Variants in EPHA3 observed in about 807,000 individuals in gnomAD.
EPHA3 encodes ephrin type-A receptor 3.
Under a neutral mutation model 107.1 loss-of-function variants are expected in EPHA3, and 42 were observed. The ratio of observed to expected loss-of-function variants is 0.39; its 90% CI spans 0.31 to 0.51. The LOEUF is 0.51. Among genes scored for constraint, EPHA3 ranks in the 20% least tolerant of loss-of-function variants. The pLI, the probability that EPHA3 is intolerant of heterozygous loss-of-function variation, is 0.78. For missense variants in EPHA3, 1,183 were observed against 1,211.2 expected (o/e 0.98, Z 0.35); for synonymous variants, 461 against 424.8 (o/e 1.09, Z -1.05).
intron 3 of EPHA3, among the ~76,000 whole-genome samples, chr3:89,338,450 TATTGCAAGGGCCCTTTGGGC>T (rs932155372): frequency 1.3e-5 from 2 of 152,262 alleles, no homozygotes; most frequent in African/African-American, 4.8e-5. Context: ...GCCCATTTTC[TATTGCAAGGGCCCTTTGGGC>T]ATGGGCAGAA....
At chr3:89,428,960 G>C (rs918911724) in intron 11 of EPHA3, 146 bp from the exon 12 acceptor site, 3 of 456,418 alleles carry the variant, frequency 6.6e-6, no homozygotes, top group Non-Finnish European at 1.1e-5. Context: ...ATGAAACCTA[G>C]GGCTTTTTAA....
At chr3:89,408,744 G>A (rs149526546) in intron 9 of EPHA3, among the ~76,000 whole-genome samples, 29 of 151,914 alleles carry the variant, frequency 1.9e-4, no homozygotes, top group African/African-American at 6.3e-4. Context: ...CTGGTGAAAC[G>A]AATCATTCCA....
intron 3 of EPHA3, among the ~76,000 whole-genome samples, chr3:89,336,803 G>C (rs1166226214): frequency 1.3e-5 from 2 of 152,096 alleles, no homozygotes; most frequent in South Asian, 2.1e-4. Context: ...GCCCAAGCCT[G>C]TAACCCCAGC....
At chr3:89,392,309 C>G (rs148458884) in intron 5 of EPHA3, among the ~76,000 whole-genome samples, 2,422 of 151,998 alleles carry the variant, frequency 0.016, 64 homozygotes, top group African/African-American at 0.055. Context: ...TGTGGTGGCA[C>G]GCATCTGTAA....
chr3:89,174,889 A>G (rs189588893), intron 2 of EPHA3, among the ~76,000 whole-genome samples: 15 of 152,052 alleles, frequency 9.9e-5, no homozygotes, highest in Admixed American at 5.2e-4. Flanking sequence ...GGTAAATCTG[A>G]TAAGAATAGC....
chr3:89,295,383 GCACCCTTC>G (rs148796225), intron 3 of EPHA3, among the ~76,000 whole-genome samples: 1 of 151,546 alleles, frequency 6.6e-6, no homozygotes, highest in African/African-American at 2.4e-5. Flanking sequence ...CTGAAGGGTG[GCACCCTTC>G]AGCTGTGGCA....
At chr3:89,254,765 C>T (rs1285512763) in intron 3 of EPHA3, among the ~76,000 whole-genome samples, 1 of 152,186 alleles carries the variant, frequency 6.6e-6, no homozygotes, top group East Asian at 1.9e-4. Context: ...TGTGTGACTA[C>T]CACTTTCTTG....
At chr3:89,308,656 G>T (rs1358920504) in intron 3 of EPHA3, among the ~76,000 whole-genome samples, 2 of 151,578 alleles carry the variant, frequency 1.3e-5, no homozygotes, top group East Asian at 3.9e-4. Context: ...TTTGAGTAGA[G>T]AAATGACATT....
chr3:89,331,975 G>A (rs1048932454), intron 3 of EPHA3, among the ~76,000 whole-genome samples: 1 of 152,044 alleles, frequency 6.6e-6, no homozygotes, highest in Non-Finnish European at 1.5e-5. Flanking sequence ...AGCTTCTCCA[G>A]GCTGTCTGCT....
chr3:89,186,772 T>C (rs1399612411), intron 2 of EPHA3, among the ~76,000 whole-genome samples: 1 of 152,060 alleles, frequency 6.6e-6, no homozygotes, highest in Non-Finnish European at 1.5e-5. Context: ...GAAAAACATG[T>C]TGTGAATTGG....
chr3:89,344,270 C>T (rs532038618), intron 5 of EPHA3, among the ~76,000 whole-genome samples: 5 of 152,184 alleles, frequency 3.3e-5, no homozygotes, highest in African/African-American at 9.6e-5. Flanking sequence ...AAAGTGGCAA[C>T]CAAGATCAGG....
chr3:89,337,313 G>T (rs930446847), intron 3 of EPHA3, among the ~76,000 whole-genome samples: 4 of 152,128 alleles, frequency 2.6e-5, no homozygotes, highest in Non-Finnish European at 5.9e-5. Context: ...TTAAAAGAAA[G>T]ATTCCTTCCC....
chr3:89,339,370 CAAAAAAA>C (rs10575384), intron 3 of EPHA3, among the ~76,000 whole-genome samples: 1 of 106,630 alleles, frequency 9.4e-6, no homozygotes, highest in Non-Finnish European at 1.9e-5. Context: ...GACTCCATCT[CAAAAAAA>C]AAAAAAAAAA....
chr3:89,129,000 A>T (rs995520379), intron 2 of EPHA3, among the ~76,000 whole-genome samples: 35 of 152,130 alleles, frequency 2.3e-4, no homozygotes, highest in Non-Finnish European at 4.1e-4. Context: ...TGGCACAGGG[A>T]CAAACCAGCA....
intron 4 of EPHA3, 97 bp from the exon 5 acceptor site, chr3:89,341,658 G>T: frequency 2.1e-6 from 2 of 955,790 alleles, no homozygotes; most frequent in South Asian, 3.4e-5. Context: ...AGAAAGGATA[G>T]TTATTTACCT....
rs79252935 is a variant in EPHA3 at position 89,354,148 on chromosome 3, T to C, written c.1306+12058T>C. Among the ~76,000 whole-genome samples, 1,120 of 151,396 alleles carry C rather than the reference T, an allele frequency of 7.4e-3. 32 individuals are homozygous for C. The highest frequency in any genetic ancestry group is 0.026 in the African/African-American group (1,067 of 41,480). On this transcript the variant is annotated intron_variant, in intron 5 of 16. Coordinates refer to ENST00000336596, the MANE Select transcript of EPHA3 (RefSeq NM_005233.6). ...TCATCCTTATTTTCCAAGGAGAACA[T>C]TTTTAGTCTCAAATCACAATAAAAT... is the stretch of plus-strand genomic sequence containing the variant.
intron 2 of EPHA3, among the ~76,000 whole-genome samples, chr3:89,203,734 G>C (rs1010871411): frequency 2.0e-5 from 3 of 151,950 alleles, no homozygotes; most frequent in African/African-American, 7.3e-5. Context: ...CCGAGATCGC[G>C]CCACTGCACT....
At chr3:89,256,342 T>C (rs1042109739) in intron 3 of EPHA3, among the ~76,000 whole-genome samples, 5 of 151,830 alleles carry the variant, frequency 3.3e-5, no homozygotes, top group Admixed American at 3.3e-4. Context: ...AGGTCAGGAA[T>C]TCAAGACCAG....
At chr3:89,127,895 T>C (rs1395356417) in intron 2 of EPHA3, among the ~76,000 whole-genome samples, 1 of 152,114 alleles carries the variant, frequency 6.6e-6, no homozygotes, top group Non-Finnish European at 1.5e-5. Context: ...ATTGGTGTTC[T>C]GAATGACTAT....
Sources: allele counts gnomAD v4.1 joint callset (sites outside exome capture counted in the v4.1 genomes callset), GRCh38; gene constraint gnomAD v4.1.1; transcripts MANE v1.5; gene names NCBI Gene and HGNC (gene_info 2026-07-23, HGNC 2026-07-21).